The following IPO11 variants were observed in gnomAD, a reference collection of about 807,000 sequenced individuals.
IPO11 encodes the protein importin 11.
IPO11 carries 66 observed loss-of-function variants against 143.2 expected under a neutral mutation model. That is an observed-to-expected ratio of 0.46 (90% CI 0.38 to 0.57). IPO11 has a LOEUF of 0.57. Ranked by LOEUF, IPO11 falls within the 20% of genes least tolerant of loss-of-function variation. The probability of loss-of-function intolerance (pLI) is 0.00; values close to 1 mark genes in which losing one functional copy is unlikely to be tolerated. For missense variants in IPO11, 1,026 were observed against 1,141.0 expected, an observed-to-expected ratio of 0.90 and a Z score of 1.45; for synonymous variants, 385 against 377.8, an observed-to-expected ratio of 1.02 and a Z score of -0.22.
intron 5 of IPO11, among the ~76,000 whole-genome samples, chr5:62,466,457 A>G (rs1745579980): frequency 6.6e-6 from 1 of 152,216 alleles, no homozygotes. Context: ...AGTCATAAAT[A>G]CTTTTATCTA....
At chr5:62,484,812 T>A (rs942450101) in intron 11 of IPO11, among the ~76,000 whole-genome samples, 1 of 152,050 alleles carries the variant, frequency 6.6e-6, no homozygotes, top group African/African-American at 2.4e-5. Context: ...GTTTTTGTAA[T>A]ACTTATCTTC....
chr5:62,473,436 C>T (rs1419881808), intron 7 of IPO11, among the ~76,000 whole-genome samples: 1 of 152,096 alleles, frequency 6.6e-6, no homozygotes, highest in Non-Finnish European at 1.5e-5. Flanking sequence ...AGTCTGAGAG[C>T]AGTACTCTTG....
intron 27 of IPO11, among the ~76,000 whole-genome samples, chr5:62,586,306 C>A (rs896384312): frequency 5.3e-5 from 8 of 152,164 alleles, no homozygotes; most frequent in Non-Finnish European, 1.0e-4. Context: ...TATTCAAATG[C>A]TTCTTGCAAA....
intron 20 of IPO11, among the ~76,000 whole-genome samples, chr5:62,517,928 T>C (rs1290326265): frequency 6.6e-6 from 1 of 152,110 alleles, no homozygotes; most frequent in Non-Finnish European, 1.5e-5. Flanking sequence ...CTACCTTTCT[T>C]GGAGAAAGCA....
At chr5:62,573,792 A>G (rs1216989094) in intron 27 of IPO11, among the ~76,000 whole-genome samples, 6 of 152,208 alleles carry the variant, frequency 3.9e-5, no homozygotes, top group Non-Finnish European at 1.5e-5. Context: ...CATGCCTGAC[A>G]TAGATAGTAT....
At chr5:62,543,481 T>G (rs920365706) in intron 24 of IPO11, among the ~76,000 whole-genome samples, 1 of 152,214 alleles carries the variant, frequency 6.6e-6, no homozygotes, top group East Asian at 1.9e-4. Context: ...ATAGAGATGT[T>G]TATAATATTC....
chr5:62,423,745 T>TG (rs1206902372), intron 1 of IPO11, among the ~76,000 whole-genome samples: 2 of 152,234 alleles, frequency 1.3e-5, no homozygotes, highest in Non-Finnish European at 2.9e-5. Flanking sequence ...TTTGTTTGTT[T>TG]TTTTGGCAAG....
intron 15 of IPO11, among the ~76,000 whole-genome samples, chr5:62,493,704 G>A (rs1169783228): frequency 2.0e-5 from 3 of 152,006 alleles, no homozygotes; most frequent in Non-Finnish European, 4.4e-5. Flanking sequence ...AAGAAGCTGG[G>A]ACCACAGGTG....
chr5:62,619,776 C>G (rs1746278912), intron 29 of IPO11, among the ~76,000 whole-genome samples: 1 of 151,840 alleles, frequency 6.6e-6, no homozygotes, highest in Non-Finnish European at 1.5e-5. Context: ...TGGCGTGAAC[C>G]CAGGAGGGTG....
chr5:62,500,785 A>G (rs1450421826), intron 16 of IPO11, among the ~76,000 whole-genome samples: 5 of 152,172 alleles, frequency 3.3e-5, no homozygotes, highest in East Asian at 1.9e-4. Flanking sequence ...GGTGTGAGCA[A>G]CTGCACCAGG....
chr5:62,498,819 G>A (rs773024994), intron 16 of IPO11, among the ~76,000 whole-genome samples: 12 of 152,130 alleles, frequency 7.9e-5, no homozygotes, highest in East Asian at 3.9e-4. Context: ...GCAGTGAGCC[G>A]AGATCAAACC....
chr5:62,533,213 TTC>T (rs200579463), intron 22 of IPO11, among the ~76,000 whole-genome samples: 12,885 of 92,562 alleles, frequency 0.14, 695 homozygotes, highest in African/African-American at 0.19. Context: ...TCTTTCTTTC[TTC>T]TTTTTTTTTT....
At chr5:62,479,111 G>A (rs536420372) in intron 9 of IPO11, among the ~76,000 whole-genome samples, 177 of 152,108 alleles carry the variant, frequency 1.2e-3, no homozygotes, top group African/African-American at 3.9e-3. Context: ...GGCAGGCCCC[G>A]GTGTGTGATG....
intron 3 of IPO11, 23 bp downstream of exon 3, chr5:62,443,106 T>C (rs748214011): frequency 7.0e-7 from 1 of 1,432,934 alleles, no homozygotes; most frequent in Non-Finnish European, 9.8e-7. Context: ...ACTTCCCCTA[T>C]TCCTTGAGTA....
intron 22 of IPO11, among the ~76,000 whole-genome samples, chr5:62,533,435 C>T (rs981419022): frequency 1.4e-4 from 22 of 152,102 alleles, no homozygotes; most frequent in Non-Finnish European, 2.8e-4. Context: ...TGGTCTTGAA[C>T]TCCCGACCTC....
chr5:62,450,056 A>T, intron 4 of IPO11, 57 bp downstream of exon 4: 2 of 1,084,378 alleles, frequency 1.8e-6, no homozygotes, highest in Non-Finnish European at 2.7e-6. Flanking sequence ...TTCCAAACTA[A>T]TTTTATATTC....
intron 24 of IPO11, among the ~76,000 whole-genome samples, chr5:62,548,763 C>T (rs1197664014): frequency 6.6e-6 from 1 of 152,134 alleles, no homozygotes; most frequent in Non-Finnish European, 1.5e-5. Context: ...TTGCTTCTGT[C>T]AGCTTTCTCC....
rs1030157430 is a variant in IPO11, at chr5:62,420,550, C to T, written c.-7+7621C>T. On this transcript the variant is annotated intron_variant, in intron 1 of 29. Transcript: ENST00000325324. ...CATTAAAATCTTACGGGATCACTGT[C>T]GTATATATGTGGTCCATATCTGACT... is the stretch of plus-strand genomic sequence containing the variant. Among the ~76,000 whole-genome samples the T allele has an allele frequency of 4.0e-5, 6 of 151,052 alleles. No homozygotes were observed. The South Asian group carries it at 6.2e-4, about 16-fold the overall frequency.
At chr5:62,494,300 C>T (rs1580245489) in intron 16 of IPO11, among the ~76,000 whole-genome samples, 176 bp downstream of exon 16, 2 of 151,600 alleles carry the variant, frequency 1.3e-5, no homozygotes, top group African/African-American at 2.4e-5. Context: ...TCTTGTTTGC[C>T]CTTCCCATTA....
Sources: allele counts gnomAD v4.1 joint callset (sites outside exome capture counted in the v4.1 genomes callset), GRCh38; gene constraint gnomAD v4.1.1; transcripts MANE v1.5; gene names NCBI Gene and HGNC (gene_info 2026-07-23, HGNC 2026-07-21).